The following OPRM1 variants were observed in gnomAD, a reference collection of about 807,000 sequenced individuals.
OPRM1 encodes the protein mu-type opioid receptor.
Under a neutral mutation model 31.8 loss-of-function variants are expected in OPRM1, and 27 were observed. That is an observed-to-expected ratio of 0.85 (90% confidence interval 0.63 to 1.17). OPRM1 has a LOEUF of 1.17. OPRM1 is among the 50% of genes most tolerant of loss of function. The pLI is 0.00. For missense variants in OPRM1, 536 were observed against 511.1 expected (o/e 1.05, Z -0.47); for synonymous variants, 196 against 189.9 (o/e 1.03, Z -0.26).
intron 1 of OPRM1, among the ~76,000 whole-genome samples, chr6:154,019,394 A>G (rs78411847): frequency 3.9e-4 from 60 of 152,162 alleles, no homozygotes; most frequent in African/African-American, 1.4e-3. Flanking sequence ...CTATATTGAC[A>G]TATTATTATC....
chr6:154,109,788 C>CTGTGTGTGTGTGTGTG (rs1462157057), intron 3 of OPRM1, among the ~76,000 whole-genome samples: 3 of 103,836 alleles, frequency 2.9e-5, no homozygotes, highest in African/African-American at 9.9e-5. Flanking sequence ...CTCTCTCTCT[C>CTGTGTGTGTGTGTGTG]TCTCTGTGTG....
intron 3 of OPRM1, among the ~76,000 whole-genome samples, chr6:154,225,994 C>T (rs1464946780): frequency 6.6e-6 from 1 of 152,192 alleles, no homozygotes; most frequent in African/African-American, 2.4e-5. Flanking sequence ...CTGGAGCCAC[C>T]CTGATGTTGT....
Position 154,120,271 on chromosome 6 carries a change from G to A in OPRM1, c.*1550G>A, listed in dbSNP as rs1207895769. Among the ~76,000 whole-genome samples, 1 of 152,062 alleles carries A rather than the reference G, an allele frequency of 6.6e-6. No homozygotes were observed. The highest frequency in any genetic ancestry group is 1.5e-5 in the Non-Finnish European group (1 of 68,006). Reference sequence around the variant, plus strand: ...ACAAATATGTGCCAGATATACAAAAGCAATGTTTCTAGAAAACAGCTATCA... The same window carrying A: ...ACAAATATGTGCCAGATATACAAAAACAATGTTTCTAGAAAACAGCTATCA... On this transcript the variant is annotated 3_prime_UTR_variant, in exon 4 of 4. Transcript: ENST00000330432.
intron 1 of OPRM1, 23 bp downstream of exon 1, chr6:154,039,857 G>C (rs17181024): frequency 1.3e-6 from 2 of 1,553,684 alleles, no homozygotes; most frequent in South Asian, 2.4e-5. Flanking sequence ...CCAGGGCTCC[G>C]AGCGGAGGGT....
intron 3 of OPRM1, among the ~76,000 whole-genome samples, chr6:154,188,155 A>C (rs1801547746): frequency 6.6e-6 from 1 of 152,260 alleles, no homozygotes; most frequent in Non-Finnish European, 1.5e-5. Context: ...ACAATTTAGA[A>C]AGTTTGATTC....
chr6:154,223,208 A>G, intron 3 of OPRM1: 1 of 1,613,804 alleles, frequency 6.2e-7, no homozygotes, highest in Non-Finnish European at 8.5e-7. Context: ...CCACAGTGAA[A>G]TCAGGCAGGT....
intron 3 of OPRM1, 22 bp downstream of exon 3, chr6:154,091,494 G>T (rs1281009665): frequency 3.1e-6 from 5 of 1,595,292 alleles, no homozygotes; most frequent in Non-Finnish European, 4.3e-6. Flanking sequence ...CTAGAATTAG[G>T]TATATCTACT....
chr6:154,039,144 C>T, upstream of OPRM1: 1 of 1,549,636 alleles, frequency 6.5e-7, no homozygotes, highest in East Asian at 2.4e-5. Context: ...ACCCTTCTCT[C>T]CATCTCCCTC....
intron 3 of OPRM1, among the ~76,000 whole-genome samples, chr6:154,118,418 T>C (rs1403757560): frequency 6.6e-6 from 1 of 152,184 alleles, no homozygotes; most frequent in African/African-American, 2.4e-5. Context: ...AAGGAAATTA[T>C]CAATAATCTC....
intron 3 of OPRM1, among the ~76,000 whole-genome samples, chr6:154,109,558 G>A (rs1796085568): frequency 6.6e-6 from 1 of 152,166 alleles, no homozygotes; most frequent in South Asian, 2.1e-4. Context: ...TAGGGAATCA[G>A]AGGGAATGAC....
chr6:154,180,862 T>A (rs374438497), intron 3 of OPRM1, among the ~76,000 whole-genome samples: 3 of 152,108 alleles, frequency 2.0e-5, no homozygotes, highest in East Asian at 1.9e-4. Flanking sequence ...TAATTTTAGT[T>A]CCCCAACATG....
At chr6:154,198,531 A>G (rs950162830) in intron 3 of OPRM1, among the ~76,000 whole-genome samples, 10 of 152,154 alleles carry the variant, frequency 6.6e-5, no homozygotes, top group Non-Finnish European at 1.2e-4. Flanking sequence ...TGTGTAAAGC[A>G]TCTTTAGGTA....
chr6:154,051,542 C>G (rs533156628), intron 1 of OPRM1, among the ~76,000 whole-genome samples: 1 of 152,194 alleles, frequency 6.6e-6, no homozygotes, highest in Admixed American at 6.5e-5. Context: ...ATAAGAGTTA[C>G]AAAGTATTTA....
chr6:154,145,585 A>G (rs1583654180), intron 3 of OPRM1, among the ~76,000 whole-genome samples: 1 of 152,392 alleles, frequency 6.6e-6, no homozygotes, highest in East Asian at 1.9e-4. Flanking sequence ...CCAAATTGAT[A>G]TACAGGTTTT....
intron 3 of OPRM1, among the ~76,000 whole-genome samples, chr6:154,100,519 G>A (rs1794677468): frequency 1.3e-5 from 2 of 151,762 alleles, no homozygotes; most frequent in African/African-American, 4.8e-5. Context: ...TAAATAGCCT[G>A]ATAAATTGGC....
intron 3 of OPRM1, among the ~76,000 whole-genome samples, chr6:154,188,721 T>A (rs1348232117): frequency 6.6e-6 from 1 of 152,238 alleles, no homozygotes; most frequent in Non-Finnish European, 1.5e-5. Flanking sequence ...AGCACTCGAT[T>A]CATGAGAAAG....
intron 1 of OPRM1, chr6:154,086,974 G>T (rs1790736628): frequency 1.0e-6 from 1 of 984,000 alleles, no homozygotes; most frequent in Non-Finnish European, 1.2e-6. Context: ...TTTTTTGTTG[G>T]TTTTTGTACT....
At chr6:154,207,007 A>G (rs1399185575) in intron 3 of OPRM1, among the ~76,000 whole-genome samples, 3 of 152,242 alleles carry the variant, frequency 2.0e-5, no homozygotes, top group Admixed American at 6.5e-5. Context: ...AGGTGAATCA[A>G]TGTGATCAGA....
chr6:154,055,392 A>C (rs1215384430), intron 1 of OPRM1, among the ~76,000 whole-genome samples: 1 of 151,324 alleles, frequency 6.6e-6, no homozygotes, highest in East Asian at 1.9e-4. Flanking sequence ...CGTCTGAAAA[A>C]ATTAATGAAT....
Sources: gnomAD v4.1 joint callset for allele counts (sites outside exome capture counted in the v4.1 genomes callset) on GRCh38, gnomAD v4.1.1 for gene constraint, MANE v1.5 for transcripts, NCBI Gene and HGNC (gene_info 2026-07-23, HGNC 2026-07-21) for gene names.